The following PIK3CD variants were observed in gnomAD, a reference collection of about 807,000 sequenced individuals.
PIK3CD encodes the protein phosphatidylinositol-4,5-bisphosphate 3-kinase catalytic subunit delta.
In PIK3CD, 20 loss-of-function variants were observed where a neutral mutation model predicts 122.9. The observed-to-expected ratio is 0.16, with a 90% CI of 0.11 to 0.24. The LOEUF (loss-of-function observed/expected upper bound fraction) is 0.24, where lower values mean the gene tolerates loss of function less well. Among genes scored for constraint, PIK3CD ranks in the 10% least tolerant of loss-of-function variants. PIK3CD has a pLI of 1.00. For synonymous variants in PIK3CD, 596 were observed against 593.4 expected, an observed-to-expected ratio of 1.00 and a Z score of -0.06; for missense variants, 787 against 1,406.3, an observed-to-expected ratio of 0.56 and a Z score of 7.04.
intron 1 of PIK3CD, among the ~76,000 whole-genome samples, chr1:9,655,446 G>GCC (rs59942799): frequency 0.03 from 2,291 of 76,880 alleles, 35 homozygotes; most frequent in Admixed American, 0.073. Flanking sequence ...GGAACCCCCC[G>GCC]CCCCCCCCCC....
chr1:9,719,857 G>A lies in PIK3CD; in HGVS notation c.1243-64G>A. 2 of 1,322,060 alleles carry A rather than the reference G, an allele frequency of 1.5e-6. No individual in the cohort carries two copies. Among genetic ancestry groups the A allele is most frequent in the Non-Finnish European group, 2.2e-6 (2 of 914,482 alleles). 81.9% of individuals were successfully genotyped at this position (1,322,060 alleles called of 1,614,324 possible). The stretch of plus-strand genomic sequence containing the variant: ...CTTCTCGGGTGGGGTGCCTGGGGGA[G>A]GGCAGGGAAGCTGGGTCTGGAGGCC... On this transcript the variant is annotated intron_variant, in intron 9 of 23. Coordinates refer to ENST00000377346, the MANE Select transcript of PIK3CD (RefSeq NM_005026.5). The surrounding 1 kb of genome is among the most constrained non-coding windows in gnomAD (Gnocchi z 5.5).
Position 9,676,330 on chromosome 1 carries a change from C to T in PIK3CD, c.-137-15137C>T, listed in dbSNP as rs536757897. 4.6e-5 allele frequency among the ~76,000 whole-genome samples: 7 copies of T among 152,296 alleles called. No homozygotes were observed. In the East Asian group the frequency reaches 9.6e-4, roughly 21 times the overall value. On this transcript the variant is annotated intron_variant, in intron 1 of 23. Transcript: ENST00000377346. Reference sequence around the variant, plus strand: ...GCTCAAGTGATCCTCCCGCCTCAGCCCCCCATAGTGCGTAAGCCACCGTGC... The same window carrying T: ...GCTCAAGTGATCCTCCCGCCTCAGCTCCCCATAGTGCGTAAGCCACCGTGC...
Position 9,710,781 on chromosome 1 carries a change from T to G in PIK3CD, c.141+185T>G, listed in dbSNP as rs946299540. Among the ~76,000 whole-genome samples, 10 of 150,192 alleles carry G rather than the reference T, an allele frequency of 6.7e-5. No homozygotes were observed. Among genetic ancestry groups the G allele is most frequent in the South Asian group, 6.3e-4 (3 of 4,774 alleles). ...GAATTTTAAAAGATAAATAATGGTT[T>G]GTTTGTTTGTTTGTTTGTTTTGAGA... On this transcript the variant is annotated intron_variant, in intron 3 of 23. Transcript: ENST00000377346. This position sits in a 1 kb window ranked among gnomAD's most constrained non-coding sequence, Gnocchi z 4.7.
At chr1:9,631,797 T>G in the PIK3CD span, among the ~76,000 whole-genome samples, 1 of 152,168 alleles carries the variant, frequency 6.6e-6, no homozygotes, top group African/African-American at 2.4e-5. Flanking sequence ...TTCCCAGATA[T>G]CCTCATTCCA....
At chr1:9,713,901 G>A (rs1274984654) in intron 3 of PIK3CD, among the ~76,000 whole-genome samples, 1 of 140,158 alleles carries the variant, frequency 7.1e-6, no homozygotes, top group Non-Finnish European at 1.5e-5. Flanking sequence ...CATCCAGGCT[G>A]TAGTGCAGTG....
At position 9,715,979 on chromosome 1, in the gene PIK3CD, C is replaced by T; in HGVS notation, c.501C>T (p.Phe167=). The change falls in exon 5 of 24, where the codon TTC becomes TTT. Residue 167 remains phenylalanine (F), a synonymous_variant. Transcript: ENST00000377346. The surrounding 1 kb of genome is among the most constrained non-coding windows in gnomAD (Gnocchi z 4.1). Reference sequence around the variant, plus strand: ...GGGAGGCCTGGCTGCAGTACAGTTTCCCCCTGCAGCTGGAGCCCTCGGCTC... The same window carrying T: ...GGGAGGCCTGGCTGCAGTACAGTTTTCCCCTGCAGCTGGAGCCCTCGGCTC... ...LGWEAWLQYS[F]PLQLEPSAQT... 2 of 1,612,440 alleles carry T rather than the reference C, an allele frequency of 1.2e-6. No homozygotes were observed. Among genetic ancestry groups the T allele is most frequent in the South Asian group, 1.1e-5 (1 of 91,036 alleles).
At chr1:9,685,294 G>T (rs1455237463) in intron 1 of PIK3CD, among the ~76,000 whole-genome samples, 2 of 151,856 alleles carry the variant, frequency 1.3e-5, no homozygotes, top group Non-Finnish European at 2.9e-5. Context: ...CATGTAACTG[G>T]TTTTTTTGTT....
In PIK3CD at chr1:9,723,168, C is replaced by T; in HGVS notation, c.2470C>T (p.Leu824Phe). Reference protein sequence around the residue: ...GCLPTGDRTGLIEVVLRSDTI... With the variant: ...GCLPTGDRTGFIEVVLRSDTI... Reference sequence around the variant, plus strand: ...CCTCCCCACCGGGGACCGCACAGGCCTCATTGAGGTGGTACTCCGTTCAGA... The same window carrying T: ...CCTCCCCACCGGGGACCGCACAGGCTTCATTGAGGTGGTACTCCGTTCAGA... Residue 824 changes from leucine (L) to phenylalanine (F), a missense_variant, in exon 20 of 24, where the codon CTC becomes TTC. By Grantham distance (22) the Leu-to-Phe change is conservative. This residue lies in a region of PIK3CD where 69 missense variants were observed against 166.8 expected (regional missense o/e 0.41). Transcript: ENST00000377346. This position sits in a 1 kb window ranked among gnomAD's most constrained non-coding sequence, Gnocchi z 4.9. 1.2e-6 allele frequency: 2 copies of T among 1,613,804 alleles called. No homozygotes were observed. The highest frequency in any genetic ancestry group is 1.7e-6 in the Non-Finnish European group (2 of 1,180,036).
In PIK3CD at chr1:9,719,839, G is replaced by C; in HGVS notation, c.1243-82G>C. 1 of 1,111,758 alleles carries C rather than the reference G, an allele frequency of 9.0e-7. No homozygotes were observed. Among genetic ancestry groups the C allele is most frequent in the East Asian group, 2.3e-5 (1 of 42,604 alleles). The allele number at this position is 1,111,758 out of a possible 1,614,324, so 68.9% of individuals were successfully genotyped here. ...GTTAGCTGGGCTCTGGGTCTTCTCG[G>C]GTGGGGTGCCTGGGGGAGGGCAGGG... is the stretch of plus-strand genomic sequence containing the variant. On this transcript the variant is annotated intron_variant, in intron 9 of 23. Transcript: ENST00000377346. The surrounding 1 kb of genome is among the most constrained non-coding windows in gnomAD (Gnocchi z 5.5).
At chr1:9,713,198 C>A (rs1334833307) in intron 3 of PIK3CD, among the ~76,000 whole-genome samples, 2 of 151,790 alleles carry the variant, frequency 1.3e-5, no homozygotes, top group African/African-American at 4.8e-5. Flanking sequence ...AAAAAATCAG[C>A]CTGTGTGGTG....
At chr1:9,656,168 G>A (rs1644851019) in intron 1 of PIK3CD, among the ~76,000 whole-genome samples, 2 of 152,186 alleles carry the variant, frequency 1.3e-5, no homozygotes, top group African/African-American at 4.8e-5. Flanking sequence ...AGGAGGAGAT[G>A]CAGAAAGGGA....
chr1:9,676,809 TG>T (rs1164100881), intron 1 of PIK3CD, among the ~76,000 whole-genome samples: 1 of 152,168 alleles, frequency 6.6e-6, no homozygotes, highest in Non-Finnish European at 1.5e-5. Context: ...TGCCTAGTCA[TG>T]GGGGCTGGCC....
At chr1:9,686,144 A>G (rs1645956572) in intron 1 of PIK3CD, among the ~76,000 whole-genome samples, 1 of 152,140 alleles carries the variant, frequency 6.6e-6, no homozygotes, top group South Asian at 2.1e-4. Context: ...GAAGGGAACA[A>G]GGGCTCCAAT....
chr1:9,652,772 GGCC>G lies in PIK3CD; in HGVS notation c.-138+973_-138+975del, dbSNP rs1301219541. The stretch of plus-strand genomic sequence containing the variant: ...ACGGGGGTCCAGAGAACCGGGGAAG[GGCC>G]GCTGGGAGGTCCCGAAAAGTGCGCT... On this transcript the variant is annotated intron_variant, in intron 1 of 23. Transcript: ENST00000377346. The surrounding 1 kb of genome is among the most constrained non-coding windows in gnomAD (Gnocchi z 6.2). The G allele has an allele frequency of 1.3e-5, 2 of 152,290 alleles. No homozygotes were observed. Among genetic ancestry groups the G allele is most frequent in the Non-Finnish European group, 2.9e-5 (2 of 68,110 alleles). 9.4% of individuals were successfully genotyped at this position (152,290 alleles called of 1,614,324 possible).
rs562187027 is a variant in PIK3CD at position 9,723,797 on chromosome 1, C to G, written c.2595-172C>G. ...TTCAAGATCTGCAGGGGTCTTCATG[C>G]CTTGGCTCTGGAATAGCGTCTGCAA... On this transcript the variant is annotated intron_variant, in intron 20 of 23. Coordinates refer to ENST00000377346, the MANE Select transcript of PIK3CD (RefSeq NM_005026.5). The surrounding 1 kb of genome is among the most constrained non-coding windows in gnomAD (Gnocchi z 4.9). Among the ~76,000 whole-genome samples, 3 of 152,180 alleles carry G rather than the reference C, an allele frequency of 2.0e-5. No homozygotes were observed. The highest frequency in any genetic ancestry group is 4.4e-5 in the Non-Finnish European group (3 of 68,036).
intron 14 of PIK3CD, 51 bp from the exon 15 acceptor site, chr1:9,721,393 T>C: frequency 1.2e-6 from 2 of 1,610,996 alleles, no homozygotes; most frequent in Non-Finnish European, 1.7e-6. Context: ...GGGAGCTCCC[T>C]CCTGTCCTGA....
At chr1:9,649,025 C>G (rs568463550), upstream of PIK3CD, among the ~76,000 whole-genome samples, 13 of 152,086 alleles carry the variant, frequency 8.5e-5, no homozygotes, top group Non-Finnish European at 1.8e-4. Flanking sequence ...TCGCTTGAAC[C>G]CGGGAGGCCA....
the PIK3CD span, among the ~76,000 whole-genome samples, chr1:9,633,400 T>G: frequency 6.6e-6 from 1 of 151,946 alleles, no homozygotes; most frequent in East Asian, 1.9e-4. Context: ...CTCTGCTTCC[T>G]GGGTTCAAGT....
chr1:9,718,330 AC>A lies in PIK3CD; in HGVS notation c.1021-361del, dbSNP rs764049608. ...CAGGTGGCAGGAAAAGTCCTTCCCC[AC>A]CCACATGGGCTCATAGGAATCTGAG... On this transcript the variant is annotated intron_variant, in intron 8 of 23. Coordinates refer to ENST00000377346, the MANE Select transcript of PIK3CD (RefSeq NM_005026.5). The surrounding 1 kb of genome is among the most constrained non-coding windows in gnomAD (Gnocchi z 7.2). 1.1e-4 allele frequency among the ~76,000 whole-genome samples: 17 copies of A among 152,102 alleles called. 1 individual carries two copies. The South Asian group carries it at 3.3e-3, about 30-fold the overall frequency.
Sources: allele counts gnomAD v4.1 joint callset (sites outside exome capture counted in the v4.1 genomes callset), GRCh38; gene constraint gnomAD v4.1.1; regional missense constraint gnomAD v4.1.1; non-coding constraint Gnocchi (gnomAD v3.1); transcripts MANE v1.5; gene names NCBI Gene and HGNC (gene_info 2026-07-23, HGNC 2026-07-21).